RIC1: variants seen among roughly 807,000 people sequenced by gnomAD.
RIC1 encodes RIC1 partner of RAB6A GEF complex, also known as guanine nucleotide exchange factor subunit RIC1.
A neutral mutation model predicts 169.0 loss-of-function variants in RIC1; 88 were observed. The observed-to-expected ratio is 0.52, with a 90% CI of 0.44 to 0.62. RIC1 has a LOEUF of 0.62. Among genes scored for constraint, RIC1 ranks in the 20% least tolerant of loss-of-function variants. The pLI is 0.00. For missense variants in RIC1, 1,877 were observed against 1,725.5 expected (o/e 1.09, Z -1.56); for synonymous variants, 790 against 601.5 (o/e 1.31, Z -4.59).
At chr9:5,633,936 TC>T (rs1458409063) in intron 1 of RIC1, among the ~76,000 whole-genome samples, 1 of 152,166 alleles carries the variant, frequency 6.6e-6, no homozygotes, top group Admixed American at 6.5e-5. Flanking sequence ...ATCGTTCTAT[TC>T]TCTGTTCCTA....
At chr9:5,663,994 G>A (rs753185096) in intron 2 of RIC1, among the ~76,000 whole-genome samples, 1 of 152,122 alleles carries the variant, frequency 6.6e-6, no homozygotes, top group Non-Finnish European at 1.5e-5. Context: ...TGCAAAGCAG[G>A]TCTGATGGTT....
At chr9:5,681,876 CTCT>C (rs1426067458) in intron 2 of RIC1, among the ~76,000 whole-genome samples, 1 of 152,182 alleles carries the variant, frequency 6.6e-6, no homozygotes, top group African/African-American at 2.4e-5. Flanking sequence ...GGATAGTTAG[CTCT>C]TCTTGTTGAA....
chr9:5,686,576 A>G (rs778879299), intron 2 of RIC1, among the ~76,000 whole-genome samples: 50 of 140,142 alleles, frequency 3.6e-4, no homozygotes, highest in Non-Finnish European at 6.0e-4. Flanking sequence ...GAATTGAACA[A>G]TGAGATCACA....
intron 1 of RIC1, among the ~76,000 whole-genome samples, chr9:5,652,796 A>C (rs890449829): frequency 6.6e-6 from 1 of 152,180 alleles, no homozygotes; most frequent in Non-Finnish European, 1.5e-5. Flanking sequence ...ATTAGAGGAA[A>C]AGATTTCAAC....
chr9:5,769,140 G>C lies in RIC1; in HGVS notation c.3308G>C (p.Arg1103Pro), dbSNP rs143393991. ...WLCKERTRAARVDNFVIALKR... is the reference protein window; with the variant it reads ...WLCKERTRAAPVDNFVIALKR... ...TGCAAGGAACGTACCCGAGCCGCCC[G>C]GGTAGACAACTTTGTAATAGCCCTG... Residue 1103 changes from arginine (R) to proline (P), a missense_variant, in exon 22 of 26, where the codon CGG becomes CCG. By Grantham distance (103) the Arg-to-Pro change is moderately radical. Transcript: ENST00000414202. 4 of 1,614,078 alleles carry C rather than the reference G, an allele frequency of 2.5e-6. No individual in the cohort carries two copies.
chr9:5,764,681 T>C (rs1224673262), intron 19 of RIC1, among the ~76,000 whole-genome samples: 1 of 152,228 alleles, frequency 6.6e-6, no homozygotes, highest in African/African-American at 2.4e-5. Flanking sequence ...CCTTGAAGTA[T>C]GATTCCATGG....
chr9:5,648,292 G>T (rs1011824835), intron 1 of RIC1, among the ~76,000 whole-genome samples: 1 of 152,068 alleles, frequency 6.6e-6, no homozygotes, highest in Non-Finnish European at 1.5e-5. Flanking sequence ...CCAGGTATAG[G>T]TTTTTTATAT....
chr9:5,765,079 CT>C (rs1179093646), intron 19 of RIC1: 1 of 179,408 alleles, frequency 5.6e-6, no homozygotes, highest in Non-Finnish European at 1.2e-5. Flanking sequence ...TCCTTTTCTG[CT>C]GATCTTCAAC....
At position 5,738,504 on chromosome 9, in the gene RIC1, T is replaced by C; in HGVS notation, c.867T>C (p.Ser289=). 6.3e-7 allele frequency: 1 copy of C among 1,596,532 alleles called. No homozygotes were observed. The highest frequency in any genetic ancestry group is 8.6e-7 in the Non-Finnish European group (1 of 1,169,340). The stretch of plus-strand genomic sequence containing the variant: ...ACAGCACTGGAGCCATGCTGCTATC[T>C]CATAAATTAGAGCTAACAGCAAAAC... ...IDNSTGAMLL[S]HKLELTAKQY... The change falls in exon 8 of 26, where the codon TCT becomes TCC. Residue 289 remains serine, a synonymous_variant. Coordinates refer to ENST00000414202, the MANE Select transcript of RIC1 (RefSeq NM_020829.4).
Position 5,756,385 on chromosome 9 carries a change from C to T in RIC1, c.1853+13C>T. On this transcript the variant is annotated intron_variant, in intron 16 of 25. Coordinates refer to ENST00000414202, the MANE Select transcript of RIC1 (RefSeq NM_020829.4). ...GAAAATCTGATGGGTAAGTATCTGG[C>T]ATATGAGAAGTCACTTTTTGCTCCT... is the stretch of plus-strand genomic sequence containing the variant. 7.1e-7 allele frequency: 1 copy of T among 1,406,100 alleles called. No individual in the cohort carries two copies. Among genetic ancestry groups the T allele is most frequent in the Non-Finnish European group, 9.4e-7 (1 of 1,064,178 alleles). 87.1% of individuals were successfully genotyped at this position (1,406,100 alleles called of 1,614,324 possible). A position where few individuals can be genotyped will look rare whatever the true frequency, so the allele number is the denominator to read the frequency against.
intron 6 of RIC1, among the ~76,000 whole-genome samples, chr9:5,723,949 T>G (rs1219783078): frequency 6.6e-6 from 1 of 152,188 alleles, no homozygotes; most frequent in Non-Finnish European, 1.5e-5. Flanking sequence ...CCATGCTGTT[T>G]TGGTTACTGT....
At chr9:5,732,352 C>T (rs1824419106) in intron 6 of RIC1, 36 bp from the exon 7 acceptor site, 2 of 1,489,030 alleles carry the variant, frequency 1.3e-6, no homozygotes, top group Admixed American at 1.9e-5. Flanking sequence ...TTTGGAGAAA[C>T]ACTTTTTAAG....
intron 7 of RIC1, among the ~76,000 whole-genome samples, chr9:5,735,041 G>A (rs533823948): frequency 6.6e-5 from 10 of 152,216 alleles, no homozygotes; most frequent in Non-Finnish European, 1.2e-4. Context: ...GTTCCAAACA[G>A]AATCGATCAA....
At chr9:5,757,273 CATT>C (rs1826065488) in intron 16 of RIC1, 37 bp from the exon 17 acceptor site, 2 of 1,607,760 alleles carry the variant, frequency 1.2e-6, no homozygotes, top group Non-Finnish European at 8.5e-7. Context: ...ATCTTATTAG[CATT>C]GTTGTTGAGG....
In RIC1 at chr9:5,720,676, G is replaced by C. The variant is rs1587015453; in HGVS notation, c.646G>C (p.Asp216His). Residue 216 changes from aspartate to histidine, a missense_variant, in exon 6 of 26, where the codon GAT becomes CAT. Transcript: ENST00000414202. ...IRDMEYCATL[D>H]GFAVVFNDGK... ...AGACATGGAATACTGTGCCACACTT[G>C]ATGGGTTTGCTGTTGTATTTAATGA... 6.2e-6 allele frequency: 10 copies of C among 1,612,492 alleles called. No homozygotes were observed. The highest frequency in any genetic ancestry group is 8.5e-6 in the Non-Finnish European group (10 of 1,179,160).
chr9:5,765,354 G>A (rs1424982995), intron 19 of RIC1, 60 bp from the exon 20 acceptor site: 5 of 1,531,500 alleles, frequency 3.3e-6, no homozygotes, highest in Non-Finnish European at 4.4e-6. Flanking sequence ...ATAAAGAATT[G>A]CTCATATCTT....
chr9:5,659,622 A>G (rs1157675355), intron 2 of RIC1, among the ~76,000 whole-genome samples: 1 of 152,180 alleles, frequency 6.6e-6, no homozygotes, highest in Non-Finnish European at 1.5e-5. Flanking sequence ...GGAAGCATTA[A>G]TTTAAGTCTT....
chr9:5,685,182 G>A (rs557433334), intron 2 of RIC1, among the ~76,000 whole-genome samples: 3 of 150,028 alleles, frequency 2.0e-5, no homozygotes, highest in Non-Finnish European at 4.4e-5. Flanking sequence ...AATCAATATC[G>A]TGAAAATGGC....
intron 12 of RIC1, among the ~76,000 whole-genome samples, chr9:5,752,983 G>A (rs978853029): frequency 6.6e-6 from 1 of 152,142 alleles, no homozygotes; most frequent in African/African-American, 2.4e-5. Flanking sequence ...AGGGGCAAGG[G>A]GCAGGGAGAG....
Sources: allele counts gnomAD v4.1 joint callset (sites outside exome capture counted in the v4.1 genomes callset), GRCh38; gene constraint gnomAD v4.1.1; transcripts MANE v1.5; gene names NCBI Gene and HGNC (gene_info 2026-07-23, HGNC 2026-07-21).